Variants in TMEM163 observed in about 807,000 individuals in gnomAD.
TMEM163 encodes the protein transmembrane protein 163.
Under a neutral mutation model 29.3 loss-of-function variants are expected in TMEM163, and 17 were observed. That is an observed-to-expected ratio of 0.58 (90% CI 0.40 to 0.87). The LOEUF is 0.87. Among genes scored for constraint, TMEM163 ranks in the 40% least tolerant of loss-of-function variants. The pLI, the probability that TMEM163 is intolerant of heterozygous loss-of-function variation, is 0.00. For synonymous variants in TMEM163, 157 were observed against 160.6 expected (o/e 0.98, Z 0.17); for missense variants, 303 against 381.5 (o/e 0.79, Z 1.71).
intron 2 of TMEM163, among the ~76,000 whole-genome samples, chr2:134,650,776 G>A (rs984513780): frequency 3.8e-5 from 5 of 131,820 alleles, no homozygotes; most frequent in Non-Finnish European, 7.7e-5. Context: ...TCCCACCTAT[G>A]AGTGAGAATA....
At chr2:134,671,628 T>C (rs1683998601) in intron 2 of TMEM163, among the ~76,000 whole-genome samples, 1 of 152,200 alleles carries the variant, frequency 6.6e-6, no homozygotes, top group Admixed American at 6.5e-5. Context: ...CCACTGGCTA[T>C]GAAATGCCAT....
At chr2:134,500,511 A>G (rs774700216) in intron 5 of TMEM163, among the ~76,000 whole-genome samples, 3 of 152,200 alleles carry the variant, frequency 2.0e-5, no homozygotes, top group Admixed American at 6.5e-5. Context: ...CAGCAAAACC[A>G]TCTGGCATCG....
chr2:134,641,528 A>G (rs1683218745), intron 2 of TMEM163, among the ~76,000 whole-genome samples: 1 of 152,212 alleles, frequency 6.6e-6, no homozygotes, highest in South Asian at 2.1e-4. Flanking sequence ...ATAAAAAGTC[A>G]AGCAACAGAT....
At chr2:134,641,321 C>T (rs1215685225) in intron 2 of TMEM163, among the ~76,000 whole-genome samples, 1 of 152,122 alleles carries the variant, frequency 6.6e-6, no homozygotes, top group African/African-American at 2.4e-5. Context: ...CCACCTCACA[C>T]CATATACAAA....
intron 1 of TMEM163, among the ~76,000 whole-genome samples, chr2:134,715,215 CATTT>C (rs1685013229): frequency 6.6e-6 from 1 of 152,188 alleles, no homozygotes; most frequent in Non-Finnish European, 1.5e-5. Flanking sequence ...AGCCGCATAA[CATTT>C]ATTTTTCCAT....
chr2:134,571,062 A>G (rs1261166888), intron 2 of TMEM163, among the ~76,000 whole-genome samples: 1 of 152,222 alleles, frequency 6.6e-6, no homozygotes, highest in Non-Finnish European at 1.5e-5. Context: ...TAAAGCTCAT[A>G]GTACTACCCC....
chr2:134,692,268 G>C (rs537290484), intron 2 of TMEM163, among the ~76,000 whole-genome samples: 1 of 152,282 alleles, frequency 6.6e-6, no homozygotes, highest in East Asian at 1.9e-4. Flanking sequence ...CTGGTCTCCA[G>C]AAATGTGAAA....
chr2:134,524,999 G>A (rs1469019549), intron 4 of TMEM163, among the ~76,000 whole-genome samples: 3 of 152,006 alleles, frequency 2.0e-5, no homozygotes, highest in Admixed American at 6.6e-5. Context: ...GTGTAATAGC[G>A]TTCCTATTTC....
chr2:134,494,582 G>T (rs977283282), intron 5 of TMEM163, among the ~76,000 whole-genome samples: 2 of 151,892 alleles, frequency 1.3e-5, no homozygotes, highest in African/African-American at 4.8e-5. Flanking sequence ...AACCAGAGGC[G>T]CCAAAAGGCC....
At chr2:134,551,416 C>T (rs541152965) in intron 3 of TMEM163, among the ~76,000 whole-genome samples, 3 of 152,146 alleles carry the variant, frequency 2.0e-5, no homozygotes, top group South Asian at 2.1e-4. Context: ...ACAGGCATAC[C>T]GACCCTTGGG....
chr2:134,463,179 T>TC (rs1686589634), intron 6 of TMEM163, among the ~76,000 whole-genome samples: 2 of 152,176 alleles, frequency 1.3e-5, no homozygotes, highest in South Asian at 4.1e-4. Context: ...CAGCCAGGCC[T>TC]CCACTCTGCA....
chr2:134,715,069 A>G (rs1299198376), intron 1 of TMEM163, among the ~76,000 whole-genome samples: 2 of 152,242 alleles, frequency 1.3e-5, no homozygotes, highest in Non-Finnish European at 2.9e-5. Flanking sequence ...GTACTGGCTC[A>G]AATAAGCAGT....
intron 4 of TMEM163, among the ~76,000 whole-genome samples, chr2:134,506,553 G>A (rs553954442): frequency 1.8e-4 from 27 of 152,200 alleles, no homozygotes; most frequent in South Asian, 6.2e-4. Context: ...AAGGATTAGC[G>A]GGCTTGCCTA....
chr2:134,580,189 T>C (rs1012726289), intron 2 of TMEM163, among the ~76,000 whole-genome samples: 1 of 152,248 alleles, frequency 6.6e-6, no homozygotes, highest in African/African-American at 2.4e-5. Flanking sequence ...AAATGCTAGA[T>C]GTCTGCACCT....
At chr2:134,712,463 CA>C (rs879703528) in intron 2 of TMEM163, among the ~76,000 whole-genome samples, 45 of 141,864 alleles carry the variant, frequency 3.2e-4, no homozygotes, top group East Asian at 1.0e-3. Context: ...TCCCCCGCAT[CA>C]AAAAAAAAAA....
chr2:134,695,338 A>G (rs983932172), intron 2 of TMEM163, among the ~76,000 whole-genome samples: 1 of 152,042 alleles, frequency 6.6e-6, no homozygotes, highest in African/African-American at 2.4e-5. Context: ...TCGGCCTCCC[A>G]GTAGCTGGGA....
At chr2:134,546,296 A>G (rs1048460370) in intron 4 of TMEM163, among the ~76,000 whole-genome samples, 1 of 152,206 alleles carries the variant, frequency 6.6e-6, no homozygotes, top group African/African-American at 2.4e-5. Flanking sequence ...CCAAATGTCC[A>G]TCGATGGATG....
intron 2 of TMEM163, among the ~76,000 whole-genome samples, chr2:134,702,837 C>G (rs1684732671): frequency 6.6e-6 from 1 of 151,886 alleles, no homozygotes; most frequent in Non-Finnish European, 1.5e-5. Flanking sequence ...AACAAAAAGA[C>G]AAAGAAATAG....
intron 2 of TMEM163, among the ~76,000 whole-genome samples, chr2:134,657,332 T>C (rs925001516): frequency 1.3e-5 from 2 of 152,190 alleles, no homozygotes; most frequent in African/African-American, 2.4e-5. Context: ...GCAAGTTGTG[T>C]ATATACCATG....
Sources: allele counts gnomAD v4.1 joint callset (sites outside exome capture counted in the v4.1 genomes callset), GRCh38; gene constraint gnomAD v4.1.1; transcripts MANE v1.5; gene names NCBI Gene and HGNC (gene_info 2026-07-23, HGNC 2026-07-21).